The following NRXN1 variants were observed in gnomAD, a reference collection of about 807,000 sequenced individuals.
NRXN1 encodes neurexin 1, also known as neurexin-1.
In NRXN1, 39 loss-of-function variants were observed where a neutral mutation model predicts 150.9. That is an observed-to-expected ratio of 0.26 (90% confidence interval 0.20 to 0.34). The LOEUF (loss-of-function observed/expected upper bound fraction) is 0.34, where lower values mean the gene tolerates loss of function less well. NRXN1 is among the 10% of genes least tolerant of loss of function. NRXN1 has a pLI of 1.00. For missense variants in NRXN1, 1,815 were observed against 1,949.9 expected, an observed-to-expected ratio of 0.93 and a Z score of 1.30; for synonymous variants, 924 against 757.0, an observed-to-expected ratio of 1.22 and a Z score of -3.62.
chr2:50,952,325 C>G (rs906272950), intron 2 of NRXN1, among the ~76,000 whole-genome samples: 2 of 152,098 alleles, frequency 1.3e-5, no homozygotes, highest in African/African-American at 4.8e-5. Context: ...TTTTCTCACA[C>G]ATACAAATAC....
chr2:50,336,462 T>C (rs78681890), intron 17 of NRXN1, among the ~76,000 whole-genome samples: 2,827 of 152,338 alleles, frequency 0.019, 96 homozygotes, highest in African/African-American at 0.065. Flanking sequence ...AAAATTAGAA[T>C]ACTCAAATAA....
chr2:50,092,495 C>A (rs1219505599), intron 18 of NRXN1, among the ~76,000 whole-genome samples: 1 of 152,150 alleles, frequency 6.6e-6, no homozygotes, highest in Admixed American at 6.5e-5. Context: ...CTTCAAACCT[C>A]AGTTGAGAGA....
intron 2 of NRXN1, among the ~76,000 whole-genome samples, chr2:51,025,115 C>T (rs756326468): frequency 2.0e-5 from 3 of 152,138 alleles, no homozygotes; most frequent in Non-Finnish European, 4.4e-5. Flanking sequence ...CACTCCATCT[C>T]CCAATTCTGT....
intron 21 of NRXN1, among the ~76,000 whole-genome samples, chr2:49,991,828 C>G (rs75395585): frequency 3.9e-5 from 6 of 152,114 alleles, no homozygotes; most frequent in African/African-American, 1.4e-4. Flanking sequence ...CTGACATCAT[C>G]TAACGTCAAG....
Position 50,054,946 on chromosome 2 carries a change from GT to G in NRXN1, c.3808+8del. 1.3e-6 allele frequency: 2 copies of G among 1,527,110 alleles called. No individual in the cohort carries two copies. The highest frequency in any genetic ancestry group is 2.4e-5 in the East Asian group (1 of 41,064). 94.6% of individuals were successfully genotyped at this position (1,527,110 alleles called of 1,614,324 possible). ...TTTTTTATTTGAAGTTTTAATCAAT[GT>G]TTTTTACCTTTGTCGAGTAGCCATT... On this transcript the variant is annotated splice_region_variant and intron_variant, in intron 20 of 22. Coordinates refer to ENST00000401669, the MANE Select transcript of NRXN1 (RefSeq NM_001330078.2).
intron 2 of NRXN1, among the ~76,000 whole-genome samples, chr2:51,008,236 C>G (rs919961259): frequency 2.5e-4 from 38 of 151,876 alleles, no homozygotes; most frequent in African/African-American, 8.9e-4. Context: ...AGAAGAGAGT[C>G]AGAGAGTAGC....
At chr2:50,155,110 A>G (rs1232700928) in intron 18 of NRXN1, among the ~76,000 whole-genome samples, 1 of 151,580 alleles carries the variant, frequency 6.6e-6, no homozygotes, top group East Asian at 1.9e-4. Flanking sequence ...CCGTGAGGTA[A>G]TTTTTACTGC....
intron 17 of NRXN1, among the ~76,000 whole-genome samples, chr2:50,272,335 G>C (rs984177476): frequency 1.3e-5 from 2 of 152,096 alleles, no homozygotes; most frequent in African/African-American, 4.8e-5. Context: ...TTTTGGTAAG[G>C]GTGGAGAAAG....
At chr2:50,558,010 T>C (rs1338644532) in intron 8 of NRXN1, among the ~76,000 whole-genome samples, 1 of 152,184 alleles carries the variant, frequency 6.6e-6, no homozygotes, top group Non-Finnish European at 1.5e-5. Context: ...AGTTGTATTT[T>C]CACCCATGAA....
At chr2:51,010,387 G>A (rs553224643) in intron 2 of NRXN1, among the ~76,000 whole-genome samples, 3 of 151,746 alleles carry the variant, frequency 2.0e-5, no homozygotes, top group South Asian at 4.2e-4. Context: ...ATTTATACTC[G>A]CTAAACGTAT....
At chr2:50,823,751 T>C (rs375694705) in intron 5 of NRXN1, among the ~76,000 whole-genome samples, 1 of 152,302 alleles carries the variant, frequency 6.6e-6, no homozygotes, top group East Asian at 1.9e-4. Context: ...CAGTAATTGG[T>C]TATTTATTGC....
chr2:50,214,472 A>AT (rs2063248220), intron 18 of NRXN1, among the ~76,000 whole-genome samples: 1 of 152,086 alleles, frequency 6.6e-6, no homozygotes, highest in Non-Finnish European at 1.5e-5. Context: ...AATTTGGGTC[A>AT]TTTTTGTCCA....
intron 21 of NRXN1, among the ~76,000 whole-genome samples, chr2:50,013,391 G>T (rs1686035148): frequency 6.7e-6 from 1 of 149,810 alleles, no homozygotes; most frequent in Non-Finnish European, 1.5e-5. Flanking sequence ...CCAAGTTAAA[G>T]AATCTCTTTA....
chr2:50,409,477 C>T (rs2082991698), intron 17 of NRXN1, among the ~76,000 whole-genome samples: 1 of 152,220 alleles, frequency 6.6e-6, no homozygotes, highest in African/African-American at 2.4e-5. Flanking sequence ...CCATTTGCAT[C>T]TCTTGGTTAT....
At chr2:50,370,759 G>C (rs1442196773) in intron 17 of NRXN1, among the ~76,000 whole-genome samples, 1 of 151,990 alleles carries the variant, frequency 6.6e-6, no homozygotes, top group Non-Finnish European at 1.5e-5. Flanking sequence ...GTGTTATTCA[G>C]AAAACTCCTT....
At chr2:50,583,768 C>A (rs1160230661) in intron 8 of NRXN1, among the ~76,000 whole-genome samples, 1 of 152,200 alleles carries the variant, frequency 6.6e-6, no homozygotes, top group Non-Finnish European at 1.5e-5. Flanking sequence ...ACCAGATGTC[C>A]TAGCCCTCAC....
At chr2:50,072,769 C>T (rs1696492011) in intron 19 of NRXN1, among the ~76,000 whole-genome samples, 2 of 152,226 alleles carry the variant, frequency 1.3e-5, no homozygotes, top group South Asian at 2.1e-4. Flanking sequence ...TAAAGCTGCC[C>T]TGCAGCAGGG....
At chr2:50,267,968 T>C (rs1266515385) in intron 17 of NRXN1, among the ~76,000 whole-genome samples, 2 of 152,076 alleles carry the variant, frequency 1.3e-5, no homozygotes, top group Middle Eastern at 3.2e-3. Flanking sequence ...GGCAGGTGGA[T>C]TGCCTGAGCT....
At chr2:50,701,143 C>T (rs1417870451) in intron 5 of NRXN1, among the ~76,000 whole-genome samples, 1 of 152,112 alleles carries the variant, frequency 6.6e-6, no homozygotes, top group Non-Finnish European at 1.5e-5. Flanking sequence ...ATTTATCACA[C>T]CTTGTCTATT....
Sources: gnomAD v4.1 joint callset for allele counts (sites outside exome capture counted in the v4.1 genomes callset) on GRCh38, gnomAD v4.1.1 for gene constraint, MANE v1.5 for transcripts, NCBI Gene and HGNC (gene_info 2026-07-23, HGNC 2026-07-21) for gene names.